The following DDHD2 variants were observed in gnomAD, a reference collection of about 807,000 sequenced individuals.
DDHD2 encodes the protein triacylglycerol hydrolase DDHD2.
A neutral mutation model predicts 91.2 loss-of-function variants in DDHD2; 62 were observed. The observed-to-expected ratio is 0.68, with a 90% confidence interval of 0.55 to 0.84. DDHD2 has a LOEUF of 0.84. DDHD2 is among the 40% of genes least tolerant of loss of function. DDHD2 has a pLI of 0.00. For missense variants in DDHD2, 740 were observed against 846.9 expected, an observed-to-expected ratio of 0.87 and a Z score of 1.57; for synonymous variants, 271 against 293.9, an observed-to-expected ratio of 0.92 and a Z score of 0.80.
chr8:38,268,038 G>C, intron 1 of DDHD2: 1 of 1,604,944 alleles, frequency 6.2e-7, no homozygotes, highest in Non-Finnish European at 8.5e-7. Context: ...GAGAGCAGCC[G>C]TGCTGTTTCT....
chr8:38,243,339 T>A (rs1805385726), intron 7 of DDHD2, among the ~76,000 whole-genome samples: 1 of 152,320 alleles, frequency 6.6e-6, no homozygotes, highest in South Asian at 2.1e-4. Flanking sequence ...CTTTTAGAAA[T>A]TGTGCATTGA....
downstream of DDHD2, chr8:38,272,753 T>C (rs1281830725): frequency 6.6e-6 from 1 of 152,222 alleles, no homozygotes; most frequent in Non-Finnish European, 1.5e-5. Flanking sequence ...TCTGACCACA[T>C]ATAGATTTAA....
At chr8:38,263,195 A>AAAG (rs1424387562), downstream of DDHD2, 10 of 161,476 alleles carry the variant, frequency 6.2e-5, no homozygotes, top group African/African-American at 2.4e-4. Flanking sequence ...CATACACATA[A>AAAG]AAGACAATGT....
At chr8:38,236,302 A>G (rs1423115755) in intron 3 of DDHD2, among the ~76,000 whole-genome samples, 1 of 147,504 alleles carries the variant, frequency 6.8e-6, no homozygotes, top group Non-Finnish European at 1.5e-5. Flanking sequence ...GTGAGCCACC[A>G]CGCCCAGCCT....
Position 38,237,643 on chromosome 8 carries a change from T to C in DDHD2, c.501+16T>C, listed in dbSNP as rs758285095. On this transcript the variant is annotated intron_variant, in intron 4 of 17. Coordinates refer to ENST00000397166, the MANE Select transcript of DDHD2 (RefSeq NM_015214.3). Reference sequence around the variant, plus strand: ...CAATCCAAAGGTAAAACAAAGCATTTCTCTTGTCGGGATAAAAAGTTAATT... The same window carrying C: ...CAATCCAAAGGTAAAACAAAGCATTCCTCTTGTCGGGATAAAAAGTTAATT... The C allele has an allele frequency of 7.0e-7, 1 of 1,436,350 alleles. No homozygotes were observed. The highest frequency in any genetic ancestry group is 9.6e-7 in the Non-Finnish European group (1 of 1,046,080). The allele number at this position is 1,436,350 out of a possible 1,614,324, so 89.0% of individuals were successfully genotyped here.
chr8:38,248,458 C>T (rs1204377416), intron 10 of DDHD2, among the ~76,000 whole-genome samples: 5 of 150,008 alleles, frequency 3.3e-5, no homozygotes, highest in Non-Finnish European at 5.9e-5. Context: ...AAAATGCTTA[C>T]TATACCAAGT....
In DDHD2 at chr8:38,261,242, T is replaced by G. The variant is rs1806998125; in HGVS notation, c.*669T>G. 1 of 152,252 alleles carries G rather than the reference T, an allele frequency of 6.6e-6. No individual in the cohort carries two copies. Among genetic ancestry groups the G allele is most frequent in the African/African-American group, 2.4e-5 (1 of 41,466 alleles). The allele number at this position is 152,252 out of a possible 1,614,324, so 9.4% of individuals were successfully genotyped here. Reference sequence around the variant, plus strand: ...TCATTGTTTTTGCAACTGTTTGAGCTGCTGTAAGAGTCTAAAGTTGACAAG... The same window carrying G: ...TCATTGTTTTTGCAACTGTTTGAGCGGCTGTAAGAGTCTAAAGTTGACAAG... On this transcript the variant is annotated 3_prime_UTR_variant, in exon 18 of 18. Coordinates refer to ENST00000397166, the MANE Select transcript of DDHD2 (RefSeq NM_015214.3).
intron 1 of DDHD2, chr8:38,268,354 A>G (rs774477402): frequency 2.6e-6 from 4 of 1,556,070 alleles, no homozygotes; most frequent in African/African-American, 1.4e-5. Context: ...AACCGGCCCG[A>G]AAGGGCTAGC....
rs1362376454 is a variant in DDHD2, at chr8:38,252,639, C to T, written c.1618-83C>T. The T allele has an allele frequency of 3.3e-6, 3 of 918,432 alleles. No individual in the cohort carries two copies. In the East Asian group the frequency reaches 8.1e-5, roughly 25 times the overall value. The allele number at this position is 918,432 out of a possible 1,614,324, so 56.9% of individuals were successfully genotyped here. ...CCTGGGTGACAGAGCGAGACCTCAT[C>T]TCAAAAAAAAAAAAAAAAAAGTTAT... On this transcript the variant is annotated intron_variant, in intron 13 of 17. Transcript: ENST00000397166.
chr8:38,259,761 T>TCAAA (rs1806828085), intron 16 of DDHD2, among the ~76,000 whole-genome samples: 1 of 152,200 alleles, frequency 6.6e-6, no homozygotes, highest in East Asian at 1.9e-4. Context: ...CTGTAGTGAC[T>TCAAA]TGTCCACCTC....
At chr8:38,253,370 G>A in intron 15 of DDHD2, 186 bp from the exon 16 acceptor site, 1 of 739,824 alleles carries the variant, frequency 1.4e-6, no homozygotes, top group South Asian at 2.0e-5. Flanking sequence ...CAAAAAAGGG[G>A]ATTGGACAAA....
At chr8:38,236,264 G>A (rs1283529910) in intron 3 of DDHD2, among the ~76,000 whole-genome samples, 2 of 150,902 alleles carry the variant, frequency 1.3e-5, no homozygotes, top group Non-Finnish European at 3.0e-5. Context: ...CGCCCGCCTC[G>A]GCCTCCCAAA....
chr8:38,256,913 AC>A (rs1806552335), intron 16 of DDHD2, among the ~76,000 whole-genome samples: 2 of 152,122 alleles, frequency 1.3e-5, no homozygotes, highest in Admixed American at 1.3e-4. Context: ...CTCCACATCA[AC>A]TTTTTTTTAT....
intron 16 of DDHD2, among the ~76,000 whole-genome samples, chr8:38,256,466 A>C (rs1343893715): frequency 2.6e-5 from 4 of 151,948 alleles, no homozygotes; most frequent in Non-Finnish European, 5.9e-5. Flanking sequence ...GACTGCAGGC[A>C]TGTGCCACTG....
intron 1 of DDHD2, chr8:38,268,912 C>G: frequency 6.4e-7 from 1 of 1,558,646 alleles, no homozygotes; most frequent in Non-Finnish European, 8.6e-7. Context: ...AATACTCCGC[C>G]TCCACGTAGG....
chr8:38,237,336 A>G (rs1399866323), intron 3 of DDHD2, among the ~76,000 whole-genome samples: 1 of 152,154 alleles, frequency 6.6e-6, no homozygotes, highest in Non-Finnish European at 1.5e-5. Context: ...AGATTGTGCC[A>G]CTGCAACCCA....
chr8:38,234,962 C>G (rs974059557), intron 3 of DDHD2, among the ~76,000 whole-genome samples: 2 of 151,920 alleles, frequency 1.3e-5, no homozygotes, highest in African/African-American at 4.8e-5. Flanking sequence ...TGCTATCTTT[C>G]CTCAGAAAAA....
At chr8:38,254,611 G>A (rs968899899) in intron 16 of DDHD2, among the ~76,000 whole-genome samples, 2 of 152,034 alleles carry the variant, frequency 1.3e-5, no homozygotes, top group East Asian at 1.9e-4. Flanking sequence ...CAATCAATCC[G>A]CCTCCACCTC....
At chr8:38,248,066 T>A (rs769969323) in intron 10 of DDHD2, among the ~76,000 whole-genome samples, 1 of 152,248 alleles carries the variant, frequency 6.6e-6, no homozygotes, top group Non-Finnish European at 1.5e-5. Context: ...GACTAACCAG[T>A]ACGGCTCATA....
Sources: gnomAD v4.1 joint callset for allele counts (sites outside exome capture counted in the v4.1 genomes callset) on GRCh38, gnomAD v4.1.1 for gene constraint, MANE v1.5 for transcripts, NCBI Gene and HGNC (gene_info 2026-07-23, HGNC 2026-07-21) for gene names.